KLHL32: variants seen among roughly 807,000 people sequenced by gnomAD.
KLHL32 encodes the protein kelch-like protein 32.
Under a neutral mutation model 64.8 loss-of-function variants are expected in KLHL32, and 35 were observed. That is an observed-to-expected ratio of 0.54 (90% CI 0.41 to 0.72). The LOEUF is 0.72. Ranked by LOEUF, KLHL32 falls within the 30% of genes least tolerant of loss-of-function variation. The pLI is 0.00. For missense variants in KLHL32, 589 were observed against 768.5 expected, an observed-to-expected ratio of 0.77 and a Z score of 2.76; for synonymous variants, 259 against 281.0, an observed-to-expected ratio of 0.92 and a Z score of 0.78.
intron 3 of KLHL32, among the ~76,000 whole-genome samples, chr6:97,024,809 C>T (rs1037384423): frequency 5.9e-5 from 9 of 152,028 alleles, no homozygotes; most frequent in Admixed American, 5.9e-4. Context: ...ATAATAATAG[C>T]TAACATTTTT....
intron 2 of KLHL32, among the ~76,000 whole-genome samples, chr6:96,968,897 C>T (rs1774799713): frequency 6.6e-6 from 1 of 152,174 alleles, no homozygotes; most frequent in Non-Finnish European, 1.5e-5. Flanking sequence ...GTGTCATCCT[C>T]CTAGGGCATG....
chr6:97,084,816 A>G (rs1793137748), intron 5 of KLHL32, among the ~76,000 whole-genome samples: 1 of 152,198 alleles, frequency 6.6e-6, no homozygotes, highest in African/African-American at 2.4e-5. Flanking sequence ...CATTAGTAAA[A>G]TGTCTCTAGA....
chr6:97,116,342 C>T (rs910753811), intron 7 of KLHL32, among the ~76,000 whole-genome samples: 2 of 151,990 alleles, frequency 1.3e-5, no homozygotes, highest in African/African-American at 4.8e-5. Context: ...ATTCTTTTAG[C>T]TGTGCTGGAG....
chr6:97,045,321 G>A (rs1785757413), intron 4 of KLHL32, among the ~76,000 whole-genome samples: 1 of 151,908 alleles, frequency 6.6e-6, no homozygotes, highest in Non-Finnish European at 1.5e-5. Flanking sequence ...GTGTTTTTTG[G>A]TTTACAGATG....
chr6:97,119,496 C>T (rs1018697811), intron 7 of KLHL32, among the ~76,000 whole-genome samples: 7 of 152,140 alleles, frequency 4.6e-5, no homozygotes, highest in Non-Finnish European at 8.8e-5. Context: ...AATATTTCCA[C>T]TGCATTTTTT....
the KLHL32 span, among the ~76,000 whole-genome samples, chr6:96,908,186 T>C: frequency 6.6e-6 from 1 of 152,186 alleles, no homozygotes; most frequent in Non-Finnish European, 1.5e-5. Flanking sequence ...AATATACTCC[T>C]TGATAATGTA....
chr6:97,090,033 C>A (rs1258757637), intron 6 of KLHL32, among the ~76,000 whole-genome samples: 11 of 152,100 alleles, frequency 7.2e-5, no homozygotes. Flanking sequence ...CAAAGAGGGA[C>A]CATGTCACCT....
intron 3 of KLHL32, among the ~76,000 whole-genome samples, chr6:97,031,745 C>G (rs992942403): frequency 6.6e-6 from 1 of 152,096 alleles, no homozygotes; most frequent in Non-Finnish European, 1.5e-5. Context: ...AAGTAGAAGT[C>G]TAGGAGTATG....
At chr6:96,991,625 G>A (rs1157901133) in intron 3 of KLHL32, among the ~76,000 whole-genome samples, 1 of 152,008 alleles carries the variant, frequency 6.6e-6, no homozygotes, top group East Asian at 1.9e-4. Flanking sequence ...GGGGACCTGT[G>A]TGGAAAACTG....
At chr6:97,011,010 C>T (rs1452793050) in intron 3 of KLHL32, among the ~76,000 whole-genome samples, 2 of 152,178 alleles carry the variant, frequency 1.3e-5, no homozygotes, top group Non-Finnish European at 2.9e-5. Context: ...TAACAGCCTG[C>T]TCAGAAGAAG....
In KLHL32 at chr6:96,948,682, A is replaced by G. The variant is rs529501844; in HGVS notation, c.-65-18314A>G. On this transcript the variant is annotated intron_variant, in intron 1 of 10. Transcript: ENST00000369261. Reference sequence around the variant, plus strand: ...TTTTAAAAAACAACATTATGTGATCATAGATTTTGTGCATTAGGAAAATTA... The same window carrying G: ...TTTTAAAAAACAACATTATGTGATCGTAGATTTTGTGCATTAGGAAAATTA... Among the ~76,000 whole-genome samples, 5 of 152,238 alleles carry G rather than the reference A, an allele frequency of 3.3e-5. No individual in the cohort carries two copies. The South Asian group carries it at 1.0e-3, about 32-fold the overall frequency.
At chr6:97,031,565 T>C (rs1251646019) in intron 3 of KLHL32, among the ~76,000 whole-genome samples, 1 of 152,112 alleles carries the variant, frequency 6.6e-6, no homozygotes, top group Non-Finnish European at 1.5e-5. Context: ...CTCAAACTCC[T>C]GGCCTCAAGT....
At chr6:97,049,829 G>C (rs372799357) in intron 4 of KLHL32, among the ~76,000 whole-genome samples, 1 of 152,294 alleles carries the variant, frequency 6.6e-6, no homozygotes, top group Admixed American at 6.5e-5. Flanking sequence ...CAAACAAGCA[G>C]ATTAGTCTGC....
chr6:97,071,233 G>T (rs1295893492), intron 5 of KLHL32, among the ~76,000 whole-genome samples: 1 of 152,020 alleles, frequency 6.6e-6, no homozygotes, highest in East Asian at 1.9e-4. Context: ...CTCCTCAAAA[G>T]TTCTTCCAAC....
intron 3 of KLHL32, among the ~76,000 whole-genome samples, chr6:97,009,792 C>T (rs1340020451): frequency 2.0e-5 from 3 of 152,234 alleles, no homozygotes; most frequent in East Asian, 3.9e-4. Context: ...TTAAAAAGCA[C>T]GTGAGGGTCT....
At chr6:97,046,462 G>A (rs1432839895) in intron 4 of KLHL32, among the ~76,000 whole-genome samples, 1 of 152,120 alleles carries the variant, frequency 6.6e-6, no homozygotes, top group East Asian at 1.9e-4. Flanking sequence ...CATTTACAGA[G>A]TCCACTATCT....
intron 1 of KLHL32, among the ~76,000 whole-genome samples, chr6:96,952,628 GA>G (rs1332745767): frequency 6.6e-6 from 1 of 152,182 alleles, no homozygotes; most frequent in Non-Finnish European, 1.5e-5. Context: ...TAAGACTAAT[GA>G]AAGGCCACAA....
chr6:96,958,766 G>A (rs1216931789), intron 1 of KLHL32, among the ~76,000 whole-genome samples: 6 of 126,452 alleles, frequency 4.7e-5, no homozygotes, highest in African/African-American at 1.8e-4. Context: ...AATTCAGAAA[G>A]GGTCATATCT....
At chr6:97,078,346 T>C (rs1249728890) in intron 5 of KLHL32, among the ~76,000 whole-genome samples, 5 of 152,216 alleles carry the variant, frequency 3.3e-5, no homozygotes, top group African/African-American at 9.6e-5. Flanking sequence ...TCTTTATCTA[T>C]AGTAAAGTAT....
Sources: gnomAD v4.1 joint callset for allele counts (sites outside exome capture counted in the v4.1 genomes callset) on GRCh38, gnomAD v4.1.1 for gene constraint, MANE v1.5 for transcripts, NCBI Gene and HGNC (gene_info 2026-07-23, HGNC 2026-07-21) for gene names.